ERCC8: variants seen among roughly 807,000 people sequenced by gnomAD.
ERCC8 encodes the protein ERCC excision repair 8, CSA ubiquitin ligase complex subunit, also known as DNA excision repair protein ERCC-8.
In ERCC8, 52 loss-of-function variants were observed where a neutral mutation model predicts 54.9. That is an observed-to-expected ratio of 0.95 (90% CI 0.76 to 1.19). ERCC8 has a LOEUF of 1.19. Ranked by LOEUF, ERCC8 falls within the 50% of genes most tolerant of loss-of-function variation. The probability of loss-of-function intolerance (pLI) is 0.00; values close to 1 mark genes in which losing one functional copy is unlikely to be tolerated. For synonymous variants in ERCC8, 146 were observed against 157.2 expected (o/e 0.93, Z 0.53); for missense variants, 514 against 466.1 (o/e 1.10, Z -0.95).
chr5:60,913,097 C>G (rs1025422912), intron 4 of ERCC8, among the ~76,000 whole-genome samples: 5 of 152,040 alleles, frequency 3.3e-5, no homozygotes, highest in African/African-American at 1.2e-4. Context: ...CAGGATGATG[C>G]TGGCCTCATA....
chr5:60,904,390 G>C (rs1176740358), intron 5 of ERCC8, among the ~76,000 whole-genome samples: 1 of 151,594 alleles, frequency 6.6e-6, no homozygotes, highest in South Asian at 2.1e-4. Flanking sequence ...ATAAATTGAT[G>C]CTTAATTTGA....
In ERCC8 at chr5:60,869,822, G is replaced by A. The variant is rs1025072253; in HGVS notation, c.*4793C>T. ...ATGACTAGTTAAAAATGGAATCAAA[G>A]TGAAGTGAACAAATGGCCTAAGTAT... On this transcript the variant is annotated 3_prime_UTR_variant, in exon 12 of 12. Transcript: ENST00000676185. Among the ~76,000 whole-genome samples the A allele has an allele frequency of 7.4e-6, 1 of 134,778 alleles. No individual in the cohort carries two copies. The allele number at this position is 134,778 out of a possible 152,430, so 88.4% of individuals were successfully genotyped here.
chr5:60,877,836 C>T (rs1195059730), intron 11 of ERCC8, among the ~76,000 whole-genome samples: 2 of 152,208 alleles, frequency 1.3e-5, no homozygotes, highest in African/African-American at 2.4e-5. Context: ...ATTTGACTTC[C>T]TCTTTTCCTA....
chr5:60,881,861 A>C (rs965471481), intron 11 of ERCC8, among the ~76,000 whole-genome samples: 2 of 152,072 alleles, frequency 1.3e-5, no homozygotes, highest in East Asian at 1.9e-4. Context: ...CGCTGCACCC[A>C]CTGTCCTGCA....
chr5:60,937,547 T>G (rs1750104217), intron 1 of ERCC8, among the ~76,000 whole-genome samples: 1 of 152,190 alleles, frequency 6.6e-6, no homozygotes, highest in Non-Finnish European at 1.5e-5. Flanking sequence ...CTGCCTCTGC[T>G]GTGTCACACA....
At chr5:60,912,063 T>C (rs1231775225) in intron 4 of ERCC8, among the ~76,000 whole-genome samples, 1 of 152,162 alleles carries the variant, frequency 6.6e-6, no homozygotes, top group African/African-American at 2.4e-5. Context: ...TAGGATTGTC[T>C]TGGTAATGCG....
intron 2 of ERCC8, among the ~76,000 whole-genome samples, chr5:60,926,542 TAAAG>T (rs1261850814): frequency 6.6e-6 from 1 of 152,232 alleles, no homozygotes; most frequent in Non-Finnish European, 1.5e-5. Flanking sequence ...TGATGGGCAG[TAAAG>T]AAAGACTGCT....
chr5:60,899,540 T>C (rs1748812530), intron 8 of ERCC8, 87 bp downstream of exon 8: 2 of 926,396 alleles, frequency 2.2e-6, no homozygotes, highest in Admixed American at 1.7e-5. Context: ...AATTTGTCAA[T>C]ATGCGTTTAT....
Position 60,918,523 on chromosome 5 carries a change from C to T in ERCC8, c.276-135G>A. 9.4e-6 allele frequency: 7 copies of T among 743,102 alleles called. No homozygotes were observed. In the Admixed American group the frequency reaches 1.2e-4, roughly 13 times the overall value. 46.0% of individuals were successfully genotyped at this position (743,102 alleles called of 1,614,324 possible). A position where few individuals can be genotyped will look rare whatever the true frequency, so the allele number is the denominator to read the frequency against. ...CCGAGATCACATGCCTGTGTCCAAGCTGTGTAGAAGGCGAGAAAGAATGTC... is the reference window on the plus strand; with the variant it reads ...CCGAGATCACATGCCTGTGTCCAAGTTGTGTAGAAGGCGAGAAAGAATGTC... On this transcript the variant is annotated intron_variant, in intron 3 of 11. Transcript: ENST00000676185.
rs530332952 is a variant in ERCC8, at chr5:60,872,521, G to C, written c.*2094C>G. Among the ~76,000 whole-genome samples the C allele has an allele frequency of 6.6e-6, 1 of 152,094 alleles. No homozygotes were observed. The highest frequency in any genetic ancestry group is 1.5e-5 in the Non-Finnish European group (1 of 68,014). On this transcript the variant is annotated 3_prime_UTR_variant, in exon 12 of 12. Coordinates refer to ENST00000676185, the MANE Select transcript of ERCC8 (RefSeq NM_000082.4). ...TCAAAAGAAGACATGCAAATGGCCA[G>C]CAGATATATGAAAAAATTATCAACA...
intron 3 of ERCC8, 59 bp from the exon 4 acceptor site, chr5:60,918,447 C>T: frequency 6.8e-7 from 1 of 1,478,858 alleles, no homozygotes; most frequent in Non-Finnish European, 9.4e-7. Flanking sequence ...AAAACTGGTA[C>T]TATATTAAGA....
intron 4 of ERCC8, among the ~76,000 whole-genome samples, chr5:60,917,339 G>A (rs187722199): frequency 4.0e-4 from 60 of 151,600 alleles, no homozygotes; most frequent in African/African-American, 1.4e-3. Flanking sequence ...TTGCAGCAAA[G>A]CATTTGTGTT....
At chr5:60,881,607 G>C (rs1318390854) in intron 11 of ERCC8, among the ~76,000 whole-genome samples, 4 of 152,212 alleles carry the variant, frequency 2.6e-5, no homozygotes, top group Non-Finnish European at 5.9e-5. Flanking sequence ...TTTGATCTCA[G>C]ACTGCTGTGC....
In ERCC8 at chr5:60,867,058, G is replaced by C. The variant is rs183440448; in HGVS notation, c.*7557C>G. 2 of 151,746 alleles carry C rather than the reference G, an allele frequency of 1.3e-5. No homozygotes were observed. Among genetic ancestry groups the C allele is most frequent in the African/African-American group, 4.8e-5 (2 of 41,280 alleles). The allele number at this position is 151,746 out of a possible 1,614,324, so 9.4% of individuals were successfully genotyped here. A position where few individuals can be genotyped will look rare whatever the true frequency, so the allele number is the denominator to read the frequency against. On this transcript the variant is annotated 3_prime_UTR_variant, in exon 12 of 12. Transcript: ENST00000676185. Reference sequence around the variant, plus strand: ...TCACCATGTTAGCCAGGATGGTCTCGATCTCCTGACCTCGTGATCCATCCA... The same window carrying C: ...TCACCATGTTAGCCAGGATGGTCTCCATCTCCTGACCTCGTGATCCATCCA...
At chr5:60,880,291 C>T (rs1429340194) in intron 11 of ERCC8, among the ~76,000 whole-genome samples, 2 of 152,118 alleles carry the variant, frequency 1.3e-5, no homozygotes, top group Admixed American at 1.3e-4. Flanking sequence ...CTCTGGCTGC[C>T]CTTAACATTT....
At chr5:60,930,699 C>G (rs1235859967) in intron 1 of ERCC8, among the ~76,000 whole-genome samples, 1 of 152,204 alleles carries the variant, frequency 6.6e-6, no homozygotes, top group Non-Finnish European at 1.5e-5. Context: ...GCACTCCAGC[C>G]TGGGTGACAT....
chr5:60,874,538 A>T lies in ERCC8; in HGVS notation c.*77T>A. 1 of 1,267,038 alleles carries T rather than the reference A, an allele frequency of 7.9e-7. No individual in the cohort carries two copies. The highest frequency in any genetic ancestry group is 1.1e-6 in the Non-Finnish European group (1 of 874,356). 78.5% of individuals were successfully genotyped at this position (1,267,038 alleles called of 1,614,324 possible). ...TTTAGGGCTAATTTAGCTGTCAGGA[A>T]TAGACCATACAGTTGAAAAAAACAC... On this transcript the variant is annotated 3_prime_UTR_variant, in exon 12 of 12. Coordinates refer to ENST00000676185, the MANE Select transcript of ERCC8 (RefSeq NM_000082.4).
intron 4 of ERCC8, among the ~76,000 whole-genome samples, chr5:60,913,100 G>A (rs1749319548): frequency 6.6e-6 from 1 of 152,058 alleles, no homozygotes; most frequent in Non-Finnish European, 1.5e-5. Context: ...GATGATGCTG[G>A]CCTCATAAAA....
At chr5:60,936,364 T>G (rs1012673842) in intron 1 of ERCC8, among the ~76,000 whole-genome samples, 2 of 152,190 alleles carry the variant, frequency 1.3e-5, no homozygotes, top group Non-Finnish European at 2.9e-5. Flanking sequence ...GGTTGTAATA[T>G]CTCCCATTTT....
Sources: gnomAD v4.1 joint callset for allele counts (sites outside exome capture counted in the v4.1 genomes callset) on GRCh38, gnomAD v4.1.1 for gene constraint, MANE v1.5 for transcripts, NCBI Gene and HGNC (gene_info 2026-07-23, HGNC 2026-07-21) for gene names.